The following BAZ2B variants were observed in gnomAD, a reference collection of about 807,000 sequenced individuals.
The protein encoded by BAZ2B is bromodomain adjacent to zinc finger domain protein 2B.
In BAZ2B, 91 loss-of-function variants were observed where a neutral mutation model predicts 246.0. The observed-to-expected ratio is 0.37, with a 90% CI of 0.31 to 0.44. The LOEUF (loss-of-function observed/expected upper bound fraction) is 0.44, where lower values mean the gene tolerates loss of function less well. BAZ2B is among the 20% of genes least tolerant of loss of function. BAZ2B has a pLI of 1.00. For synonymous variants in BAZ2B, 855 were observed against 860.0 expected, an observed-to-expected ratio of 0.99 and a Z score of 0.10; for missense variants, 2,332 against 2,533.7, an observed-to-expected ratio of 0.92 and a Z score of 1.71.
At chr2:159,568,112 C>T (rs775592831) in intron 1 of BAZ2B, among the ~76,000 whole-genome samples, 10 of 152,104 alleles carry the variant, frequency 6.6e-5, no homozygotes, top group Admixed American at 2.0e-4. Context: ...TATCTAATTC[C>T]GGAACATTTT....
the BAZ2B span, among the ~76,000 whole-genome samples, chr2:159,707,451 G>A: frequency 3.9e-5 from 6 of 152,234 alleles, no homozygotes; most frequent in African/African-American, 1.4e-4. Flanking sequence ...AGCACTCTGG[G>A]AGGCCAAGGT....
intron 13 of BAZ2B, among the ~76,000 whole-genome samples, chr2:159,418,834 T>C (rs536480654): frequency 6.6e-6 from 1 of 152,312 alleles, no homozygotes; most frequent in South Asian, 2.1e-4. Flanking sequence ...TCTTGAATGC[T>C]CAATGTTATG....
At chr2:159,491,521 C>A (rs1291017454) in intron 2 of BAZ2B, among the ~76,000 whole-genome samples, 2 of 150,764 alleles carry the variant, frequency 1.3e-5, no homozygotes, top group Non-Finnish European at 3.0e-5. Context: ...GAGATCGAGA[C>A]CATCCCGGCT....
chr2:159,559,091 T>G (rs1421324863), intron 1 of BAZ2B, among the ~76,000 whole-genome samples: 1 of 151,802 alleles, frequency 6.6e-6, no homozygotes, highest in Non-Finnish European at 1.5e-5. Context: ...AATAGAAAAA[T>G]TGGCAAGACA....
intron 36 of BAZ2B, among the ~76,000 whole-genome samples, chr2:159,324,057 A>G (rs1017223611): frequency 1.3e-5 from 2 of 152,226 alleles, no homozygotes; most frequent in Non-Finnish European, 2.9e-5. Context: ...GCTGATCATT[A>G]TAAGTTCTAT....
intron 27 of BAZ2B, among the ~76,000 whole-genome samples, chr2:159,366,760 A>G (rs562576012): frequency 6.6e-6 from 1 of 152,318 alleles, no homozygotes; most frequent in East Asian, 1.9e-4. Context: ...GGAGCTCTGT[A>G]TCTCCTAATG....
At chr2:159,413,651 T>G (rs950897655) in intron 13 of BAZ2B, among the ~76,000 whole-genome samples, 1 of 152,064 alleles carries the variant, frequency 6.6e-6, no homozygotes, top group Admixed American at 6.5e-5. Flanking sequence ...GAGGTTGCAG[T>G]AAGCCGAGAT....
chr2:159,419,732 C>T (rs3771716), intron 13 of BAZ2B: 59,477 of 152,090 alleles, frequency 0.39, 12,414 homozygotes, highest in Non-Finnish European at 0.49. Flanking sequence ...CTTGGATTCA[C>T]ACAGTTGTCC....
chr2:159,709,031 T>C, the BAZ2B span, among the ~76,000 whole-genome samples: 2 of 152,154 alleles, frequency 1.3e-5, no homozygotes, highest in Admixed American at 6.5e-5. Context: ...CGAGAGTTTA[T>C]TATTTTTGTT....
At chr2:159,679,408 T>C in the BAZ2B span, among the ~76,000 whole-genome samples, 1 of 152,028 alleles carries the variant, frequency 6.6e-6, no homozygotes, top group African/African-American at 2.4e-5. Context: ...TGGTAGTATA[T>C]AGAATGGTAT....
chr2:159,494,831 A>G (rs1247235548), intron 2 of BAZ2B, among the ~76,000 whole-genome samples: 1 of 152,218 alleles, frequency 6.6e-6, no homozygotes. Flanking sequence ...GAAGCATGCT[A>G]GGCGCTCAGG....
intron 27 of BAZ2B, among the ~76,000 whole-genome samples, chr2:159,361,903 G>A (rs143986213): frequency 0.035 from 5,323 of 150,340 alleles, 184 homozygotes; most frequent in African/African-American, 0.095. Flanking sequence ...GGCGTTGAAC[G>A]ATGAGAACAC....
chr2:159,324,706 G>A, intron 36 of BAZ2B, 105 bp downstream of exon 36: 1 of 581,974 alleles, frequency 1.7e-6, no homozygotes, highest in Non-Finnish European at 2.6e-6. Context: ...CAAAGGCAGG[G>A]CCTATATCTT....
chr2:159,386,753 CT>C, intron 21 of BAZ2B, 146 bp from the exon 22 acceptor site: 1 of 939,952 alleles, frequency 1.1e-6, no homozygotes, highest in Non-Finnish European at 1.5e-6. Context: ...GCTAAATTCT[CT>C]GGGGGCATTT....
intron 16 of BAZ2B, among the ~76,000 whole-genome samples, chr2:159,402,747 G>A (rs13028985): frequency 0.35 from 53,702 of 152,034 alleles, 11,024 homozygotes; most frequent in Non-Finnish European, 0.49. Context: ...TTTATCTTAA[G>A]TATTCAAGTG....
At chr2:159,587,452 T>C (rs898553253) in intron 1 of BAZ2B, among the ~76,000 whole-genome samples, 1 of 152,220 alleles carries the variant, frequency 6.6e-6, no homozygotes, top group Non-Finnish European at 1.5e-5. Flanking sequence ...ATACCTGAAC[T>C]TTAAGCCTGC....
chr2:159,561,452 A>G (rs2089861348), intron 1 of BAZ2B, among the ~76,000 whole-genome samples: 1 of 152,210 alleles, frequency 6.6e-6, no homozygotes, highest in Non-Finnish European at 1.5e-5. Context: ...TTAGCTTAAT[A>G]AACCTCTTTT....
chr2:159,597,914 A>G (rs746833586), intron 1 of BAZ2B, among the ~76,000 whole-genome samples: 1 of 152,248 alleles, frequency 6.6e-6, no homozygotes, highest in East Asian at 1.9e-4. Flanking sequence ...ACAGAAAAAT[A>G]AAACTTTCAC....
At chr2:159,661,756 C>G in the BAZ2B span, among the ~76,000 whole-genome samples, 3 of 149,978 alleles carry the variant, frequency 2.0e-5, no homozygotes, top group African/African-American at 7.4e-5. Context: ...TTAGTACATT[C>G]ACAATGTTGT....
Sources: gnomAD v4.1 joint callset for allele counts (sites outside exome capture counted in the v4.1 genomes callset) on GRCh38, gnomAD v4.1.1 for gene constraint, MANE v1.5 for transcripts, NCBI Gene and HGNC (gene_info 2026-07-23, HGNC 2026-07-21) for gene names.